The following PARVB variants were observed in gnomAD, a reference collection of about 807,000 sequenced individuals.
The protein encoded by PARVB is beta-parvin.
Under a neutral mutation model 47.0 loss-of-function variants are expected in PARVB, and 46 were observed. The ratio of observed to expected loss-of-function variants is 0.98; its 90% CI spans 0.77 to 1.25. PARVB has a LOEUF of 1.25. Among genes scored for constraint, PARVB ranks in the 50% most tolerant of loss-of-function variants. PARVB has a pLI of 0.00. For synonymous variants in PARVB, 196 were observed against 196.3 expected (o/e 1.00, Z 0.01); for missense variants, 473 against 471.6 (o/e 1.00, Z -0.03).
At chr22:44,143,813 C>CAA (rs1490112552) in intron 8 of PARVB, 1 of 152,492 alleles carries the variant, frequency 6.6e-6, no homozygotes, top group African/African-American at 2.4e-5. Flanking sequence ...GCGGCCCTTC[C>CAA]CCCTCCTGGG....
At chr22:44,024,212 GCTC>G, upstream of PARVB, 1 of 337,106 alleles carries the variant, frequency 3.0e-6, no homozygotes, top group Non-Finnish European at 4.2e-6. Context: ...CCGGGGCCGC[GCTC>G]CAGGCCAGGG....
At chr22:44,076,405 T>A (rs532369060) in intron 1 of PARVB, among the ~76,000 whole-genome samples, 2 of 152,320 alleles carry the variant, frequency 1.3e-5, no homozygotes, top group South Asian at 4.1e-4. Flanking sequence ...AAATTCGTTC[T>A]CCTCAGAAAT....
chr22:44,056,210 G>T (rs2051308742), intron 1 of PARVB, among the ~76,000 whole-genome samples: 1 of 152,226 alleles, frequency 6.6e-6, no homozygotes, highest in Admixed American at 6.5e-5. Flanking sequence ...CCATTTACTT[G>T]GGGCACCGCT....
At chr22:44,123,342 G>T (rs541973491) in intron 4 of PARVB, among the ~76,000 whole-genome samples, 1 of 152,300 alleles carries the variant, frequency 6.6e-6, no homozygotes, top group African/African-American at 2.4e-5. Flanking sequence ...GGGTCCAGGG[G>T]CAGAGAACTG....
intron 3 of PARVB, among the ~76,000 whole-genome samples, chr22:44,100,700 C>T (rs1053305970): frequency 1.3e-5 from 2 of 152,122 alleles, no homozygotes; most frequent in African/African-American, 4.8e-5. Context: ...CAGCGGCTGT[C>T]CTTCTCCAGC....
intron 1 of PARVB, among the ~76,000 whole-genome samples, chr22:44,065,175 AC>A (rs2051494821): frequency 6.6e-6 from 1 of 151,370 alleles, no homozygotes; most frequent in African/African-American, 2.4e-5. Flanking sequence ...TTTTGTGGGG[AC>A]CCTTTGTCTA....
At chr22:44,079,609 G>A (rs903598511) in intron 1 of PARVB, among the ~76,000 whole-genome samples, 1 of 152,204 alleles carries the variant, frequency 6.6e-6, no homozygotes, top group African/African-American at 2.4e-5. Flanking sequence ...GCCACCGGTG[G>A]AGAACTGACT....
intron 2 of PARVB, among the ~76,000 whole-genome samples, chr22:44,003,399 G>A (rs961051950): frequency 6.6e-6 from 1 of 152,176 alleles, no homozygotes; most frequent in African/African-American, 2.4e-5. Context: ...GATGAAAGGT[G>A]ACATCTTGAC....
At chr22:44,022,747 A>T (rs377573407), upstream of PARVB, among the ~76,000 whole-genome samples, 931 of 147,874 alleles carry the variant, frequency 6.3e-3, 5 homozygotes, top group South Asian at 0.023. Context: ...TTTATTTTTT[A>T]TTTTTTTTTT....
chr22:44,084,838 TTGGC>T (rs2051988367), intron 1 of PARVB, among the ~76,000 whole-genome samples: 1 of 152,238 alleles, frequency 6.6e-6, no homozygotes, highest in Non-Finnish European at 1.5e-5. Flanking sequence ...CCCTGTAGAA[TTGGC>T]TGCCACTTTG....
chr22:44,068,970 C>A lies in PARVB; in HGVS notation c.113-24958C>A, dbSNP rs1276847223. The A allele has an allele frequency of 9.4e-6, 6 of 635,840 alleles. No individual in the cohort carries two copies. Among genetic ancestry groups the A allele is most frequent in the Non-Finnish European group, 1.6e-5 (6 of 367,738 alleles). 39.4% of individuals were successfully genotyped at this position (635,840 alleles called of 1,614,324 possible). On this transcript the variant is annotated intron_variant, in intron 1 of 12. Coordinates refer to ENST00000338758, the MANE Select transcript of PARVB (RefSeq NM_013327.5). This position sits in a 1 kb window ranked among gnomAD's most constrained non-coding sequence, Gnocchi z 4.1. ...CAGCAAGGAGCTATCGCTGGAAACACCCCGGTCCTTCCACAGCCTGACCCT... is the reference window on the plus strand; with the variant it reads ...CAGCAAGGAGCTATCGCTGGAAACAACCCGGTCCTTCCACAGCCTGACCCT...
chr22:44,006,541 C>G (rs567221497), intron 2 of PARVB, among the ~76,000 whole-genome samples: 1 of 152,344 alleles, frequency 6.6e-6, no homozygotes, highest in African/African-American at 2.4e-5. Flanking sequence ...AGGGGAATCA[C>G]TTGAGCCCAG....
At chr22:44,158,110 A>C (rs749176172) in intron 11 of PARVB, 27 bp downstream of exon 11, 9 of 1,452,476 alleles carry the variant, frequency 6.2e-6, no homozygotes, top group East Asian at 4.5e-5. Flanking sequence ...CATCCTTGGT[A>C]GGGGCTCAAG....
At chr22:44,005,735 C>T (rs2050457757) in intron 2 of PARVB, among the ~76,000 whole-genome samples, 1 of 152,130 alleles carries the variant, frequency 6.6e-6, no homozygotes, top group African/African-American at 2.4e-5. Flanking sequence ...GGTCCCCTCC[C>T]ACAACCAATC....
At chr22:44,140,305 C>G in intron 8 of PARVB, 162 bp downstream of exon 8, 6 of 764,596 alleles carry the variant, frequency 7.8e-6, no homozygotes, top group South Asian at 4.4e-5. Flanking sequence ...CCCACCCCCA[C>G]CTTTCTGTAT....
rs2054271330 is a variant in PARVB at position 44,171,735 on chromosome 22, A to G, written c.*3057A>G. Reference sequence around the variant, plus strand: ...CAAGTCGAACAGTAAAAGGAATCATAAGATCTGTGGGGAAGCTACATGGGC... The same window carrying G: ...CAAGTCGAACAGTAAAAGGAATCATGAGATCTGTGGGGAAGCTACATGGGC... On this transcript the variant is annotated 3_prime_UTR_variant, in exon 13 of 13. Coordinates refer to ENST00000338758, the MANE Select transcript of PARVB (RefSeq NM_013327.5). 1.3e-5 allele frequency: 2 copies of G among 151,810 alleles called. No individual in the cohort carries two copies. The highest frequency in any genetic ancestry group is 4.8e-5 in the African/African-American group (2 of 41,296). The allele number at this position is 151,810 out of a possible 1,614,324, so 9.4% of individuals were successfully genotyped here.
chr22:44,171,494 C>CAG lies in PARVB; in HGVS notation c.*2817_*2818insGA, dbSNP rs1555914983. On this transcript the variant is annotated 3_prime_UTR_variant, in exon 13 of 13. Coordinates refer to ENST00000338758, the MANE Select transcript of PARVB (RefSeq NM_013327.5). The stretch of plus-strand genomic sequence containing the variant: ...TGAGCAACAGAGTGAGACTCTGTCT[C>CAG]AAAAAAAAAAAAGAAAGAAAAAAGA... The CAG allele has an allele frequency of 7.2e-6, 1 of 139,138 alleles. No homozygotes were observed. The highest frequency in any genetic ancestry group is 1.5e-5 in the Non-Finnish European group (1 of 65,170). 8.6% of individuals were successfully genotyped at this position (139,138 alleles called of 1,614,324 possible).
chr22:44,136,645 G>A, intron 7 of PARVB, 127 bp downstream of exon 7: 1 of 749,350 alleles, frequency 1.3e-6, no homozygotes, highest in Non-Finnish European at 2.4e-6. Context: ...CTTCTCTGTA[G>A]CATGTGATTC....
chr22:44,069,105 C>T (rs537272848), intron 1 of PARVB: 68 of 1,611,526 alleles, frequency 4.2e-5, no homozygotes, highest in East Asian at 2.7e-4. Flanking sequence ...GCCTGCCCTC[C>T]GACGTCCGCC....
Sources: gnomAD v4.1 joint callset for allele counts (sites outside exome capture counted in the v4.1 genomes callset) on GRCh38, gnomAD v4.1.1 for gene constraint, Gnocchi (gnomAD v3.1) non-coding constraint, MANE v1.5 for transcripts, NCBI Gene and HGNC (gene_info 2026-07-23, HGNC 2026-07-21) for gene names.